Variants in GPAT3 observed in about 807,000 individuals in gnomAD.
The protein encoded by GPAT3 is glycerol-3-phosphate acyltransferase 3, also known as 1-AGP acyltransferase 9.
Under a neutral mutation model 58.8 loss-of-function variants are expected in GPAT3, and 53 were observed. That is an observed-to-expected ratio of 0.90 (90% confidence interval 0.72 to 1.13). The LOEUF is 1.13. Ranked by LOEUF, GPAT3 falls within the 50% of genes most tolerant of loss-of-function variation. The pLI is 0.00. For synonymous variants in GPAT3, 197 were observed against 187.4 expected (o/e 1.05, Z -0.42); for missense variants, 511 against 527.6 (o/e 0.97, Z 0.31).
chr4:83,560,771 T>C (rs1578171761), intron 2 of GPAT3, among the ~76,000 whole-genome samples: 1 of 152,270 alleles, frequency 6.6e-6, no homozygotes, highest in African/African-American at 2.4e-5. Flanking sequence ...GGTACTGTCC[T>C]CATGACAGTG....
chr4:83,577,168 A>G (rs769664727), intron 2 of GPAT3, among the ~76,000 whole-genome samples: 9 of 152,242 alleles, frequency 5.9e-5, no homozygotes, highest in Non-Finnish European at 1.2e-4. Flanking sequence ...ACTCTATGAA[A>G]TAAATAGCTC....
chr4:83,553,904 A>T (rs564638965), intron 2 of GPAT3, among the ~76,000 whole-genome samples: 1 of 151,892 alleles, frequency 6.6e-6, no homozygotes, highest in Admixed American at 6.5e-5. Context: ...ATAAAATAAA[A>T]AAATAAATAA....
chr4:83,570,356 CTCAG>C (rs1725556820), intron 2 of GPAT3, among the ~76,000 whole-genome samples: 2 of 152,210 alleles, frequency 1.3e-5, no homozygotes, highest in South Asian at 4.1e-4. Context: ...TCAGGAGACA[CTCAG>C]TCAATGTCAG....
intron 2 of GPAT3, among the ~76,000 whole-genome samples, chr4:83,560,918 T>TC (rs1221676694): frequency 2.0e-5 from 3 of 152,080 alleles, no homozygotes; most frequent in Non-Finnish European, 2.9e-5. Flanking sequence ...TCCCCAGGCC[T>TC]CCCCAGAAGC....
intron 1 of GPAT3, among the ~76,000 whole-genome samples, chr4:83,543,917 A>G (rs1362271311): frequency 1.3e-5 from 2 of 152,218 alleles, no homozygotes; most frequent in Non-Finnish European, 2.9e-5. Context: ...CTGGGATTAC[A>G]GGCATGAGCC....
At chr4:83,543,768 G>A (rs1205202445) in intron 1 of GPAT3, among the ~76,000 whole-genome samples, 1 of 152,048 alleles carries the variant, frequency 6.6e-6, no homozygotes, top group African/African-American at 2.4e-5. Flanking sequence ...AGCCTCCAGA[G>A]TAGCTAGGAT....
chr4:83,543,222 C>T (rs1021708152), intron 1 of GPAT3, among the ~76,000 whole-genome samples: 1 of 151,908 alleles, frequency 6.6e-6, no homozygotes, highest in Non-Finnish European at 1.5e-5. Flanking sequence ...ATTGCTTCAG[C>T]CTGGGAGGTC....
chr4:83,536,169 G>A lies in GPAT3; in HGVS notation c.-454G>A, dbSNP rs1724072635. The A allele has an allele frequency of 3.0e-6, 3 of 986,166 alleles. No individual in the cohort carries two copies. The highest frequency in any genetic ancestry group is 9.4e-5 in the South Asian group (2 of 21,386). The allele number at this position is 986,166 out of a possible 1,614,324, so 61.1% of individuals were successfully genotyped here. Reference sequence around the variant, plus strand: ...GCCGGCGACCGGTGTGCCAAAGTGCGGTGCTCCCGCAGGGAACCTGGCTCG... The same window carrying A: ...GCCGGCGACCGGTGTGCCAAAGTGCAGTGCTCCCGCAGGGAACCTGGCTCG... On this transcript the variant is annotated 5_prime_UTR_variant, in exon 1 of 12. Coordinates refer to ENST00000264409, the MANE Select transcript of GPAT3 (RefSeq NM_032717.5).
chr4:83,537,141 A>G (rs2110066039), intron 1 of GPAT3, among the ~76,000 whole-genome samples: 1 of 152,322 alleles, frequency 6.6e-6, no homozygotes, highest in African/African-American at 2.4e-5. Flanking sequence ...TTGTTTTTAC[A>G]GCCCCAGGTT....
At chr4:83,544,460 C>T (rs10516690) in intron 1 of GPAT3, 76 bp from the exon 2 acceptor site, 552,416 of 1,431,446 alleles carry the variant, frequency 0.39, 109,891 homozygotes, top group Middle Eastern at 0.48. Context: ...AATTTCACTT[C>T]TGTATAATCA....
chr4:83,582,958 T>C (rs1464340840), intron 3 of GPAT3, among the ~76,000 whole-genome samples: 3 of 152,166 alleles, frequency 2.0e-5, no homozygotes, highest in African/African-American at 7.2e-5. Context: ...TACAAGACTA[T>C]CCATTGGCAT....
intron 11 of GPAT3, among the ~76,000 whole-genome samples, chr4:83,601,729 G>A (rs1172114028): frequency 5.9e-5 from 9 of 152,242 alleles, no homozygotes; most frequent in Admixed American, 5.9e-4. Context: ...ACAGCAGCCT[G>A]GGTGACAGAG....
intron 2 of GPAT3, among the ~76,000 whole-genome samples, chr4:83,571,899 A>G (rs1725624174): frequency 6.6e-6 from 1 of 151,798 alleles, no homozygotes; most frequent in Non-Finnish European, 1.5e-5. Context: ...CAGCCTCCCA[A>G]GTAGCTGTGA....
At chr4:83,597,591 C>A in intron 9 of GPAT3, 76 bp downstream of exon 9, 1 of 1,147,080 alleles carries the variant, frequency 8.7e-7, no homozygotes, top group East Asian at 2.9e-5. Flanking sequence ...GGTAGCATTT[C>A]AAACTTAAAA....
chr4:83,592,936 G>C (rs1293765892), intron 6 of GPAT3, among the ~76,000 whole-genome samples: 1 of 151,664 alleles, frequency 6.6e-6, no homozygotes, highest in Non-Finnish European at 1.5e-5. Flanking sequence ...GTGTGATCTC[G>C]GCTCACTGCA....
In GPAT3 at chr4:83,536,637, G is replaced by T. The variant is rs1170396984; in HGVS notation, c.15G>T (p.Glu5Asp). The T allele has an allele frequency of 1.9e-6, 3 of 1,612,602 alleles. No homozygotes were observed. In the African/African-American group the frequency reaches 4.0e-5, roughly 22 times the overall value. MEGAELAGKILSTWL... is the reference protein window; with the variant it reads MEGADLAGKILSTWL... Reference sequence around the variant, plus strand: ...TGCGCCGAGTCATGGAGGGCGCAGAGCTGGCCGGGAAGATCCTTTCCACCT... The same window carrying T: ...TGCGCCGAGTCATGGAGGGCGCAGATCTGGCCGGGAAGATCCTTTCCACCT... Residue 5 changes from glutamate (E) to aspartate (D), a missense_variant, in exon 1 of 12, where the codon GAG (glutamate) becomes GAT (aspartate). Transcript: ENST00000264409.
At chr4:83,558,485 G>T (rs1378265160) in intron 2 of GPAT3, among the ~76,000 whole-genome samples, 1 of 152,198 alleles carries the variant, frequency 6.6e-6, no homozygotes, top group Non-Finnish European at 1.5e-5. Flanking sequence ...CACTCACCCT[G>T]GTTTCTGCCT....
rs538341039 is a variant in GPAT3 at position 83,588,340 on chromosome 4, A to G, written c.644+41A>G. ...AATGTGCCTGTCTTTTTCTAGGTCA[A>G]TTCAGCATGAGATTGACAAGGAAGC... is the stretch of plus-strand genomic sequence containing the variant. On this transcript the variant is annotated intron_variant, in intron 5 of 11. Coordinates refer to ENST00000264409, the MANE Select transcript of GPAT3 (RefSeq NM_032717.5). The G allele has an allele frequency of 3.3e-5, 51 of 1,568,724 alleles. 1 individual carries two copies. The highest frequency in any genetic ancestry group is 3.2e-4 in the South Asian group (29 of 89,758).
At chr4:83,548,286 A>G (rs1724620862) in intron 2 of GPAT3, among the ~76,000 whole-genome samples, 1 of 152,112 alleles carries the variant, frequency 6.6e-6, no homozygotes, top group Non-Finnish European at 1.5e-5. Context: ...CTGAGATCCT[A>G]GCAACTTTTA....
Sources: gnomAD v4.1 joint callset for allele counts (sites outside exome capture counted in the v4.1 genomes callset) on GRCh38, gnomAD v4.1.1 for gene constraint, MANE v1.5 for transcripts, NCBI Gene and HGNC (gene_info 2026-07-23, HGNC 2026-07-21) for gene names.